The following SLC39A11 variants were observed in gnomAD, a reference collection of about 807,000 sequenced individuals.
SLC39A11 encodes zinc transporter ZIP11.
In SLC39A11, 33 loss-of-function variants were observed where a neutral mutation model predicts 36.1. That is an observed-to-expected ratio of 0.91 (90% CI 0.69 to 1.22). The LOEUF is 1.22. Among genes scored for constraint, SLC39A11 ranks in the 50% most tolerant of loss-of-function variants. SLC39A11 has a pLI of 0.00. For missense variants in SLC39A11, 432 were observed against 430.3 expected, an observed-to-expected ratio of 1.00 and a Z score of -0.03; for synonymous variants, 166 against 170.3, an observed-to-expected ratio of 0.97 and a Z score of 0.20.
At chr17:72,834,114 G>T (rs1238050598) in intron 6 of SLC39A11, among the ~76,000 whole-genome samples, 2 of 152,220 alleles carry the variant, frequency 1.3e-5, no homozygotes, top group East Asian at 1.9e-4. Context: ...TTTGCTAAGG[G>T]TCTAGTGCAG....
chr17:73,010,929 TCTTCACAACCTCTC>T (rs2090475183), intron 4 of SLC39A11, among the ~76,000 whole-genome samples: 1 of 152,230 alleles, frequency 6.6e-6, no homozygotes, highest in Non-Finnish European at 1.5e-5. Flanking sequence ...TCTCCTCTGA[TCTTCACAACCTCTC>T]CAATTATTCT....
intron 4 of SLC39A11, among the ~76,000 whole-genome samples, chr17:72,966,597 G>T (rs1308436658): frequency 1.8e-4 from 28 of 151,924 alleles, no homozygotes; most frequent in African/African-American, 4.6e-4. Flanking sequence ...TGAGACGGAG[G>T]CTCGCTCTGT....
intron 7 of SLC39A11, among the ~76,000 whole-genome samples, chr17:72,663,366 A>G (rs2070565298): frequency 6.6e-6 from 1 of 152,204 alleles, no homozygotes; most frequent in Non-Finnish European, 1.5e-5. Flanking sequence ...ATGTATGTTC[A>G]GAAAAGAGCA....
rs1451117433 is a variant in SLC39A11 at position 72,662,629 on chromosome 17, A to AAGAAAGAG, written c.672-13369_672-13362dup. Among the ~76,000 whole-genome samples, 73 of 34,322 alleles carry AAGAAAGAG rather than the reference A, an allele frequency of 2.1e-3. 1 individual carries two copies. In the South Asian group the frequency reaches 0.026, roughly 12 times the overall value. The allele number at this position is 34,322 out of a possible 152,430, so 22.5% of individuals were successfully genotyped here. A position where few individuals can be genotyped will look rare whatever the true frequency, so the allele number is the denominator to read the frequency against. On this transcript the variant is annotated intron_variant, in intron 7 of 9. Coordinates refer to ENST00000255559, the MANE Select transcript of SLC39A11 (RefSeq NM_139177.4). Reference sequence around the variant, plus strand: ...AAGGAAGGAAGGAGAGAAGAAAGAGAAGAAAGAGAGAAAGAAAAAGAAAAA... The same window carrying AAGAAAGAG: ...AAGGAAGGAAGGAGAGAAGAAAGAGAAGAAAGAGAGAAAGAGAGAAAGAAAAAGAAAAA...
intron 6 of SLC39A11, among the ~76,000 whole-genome samples, chr17:72,738,485 C>T (rs1386255541): frequency 6.6e-6 from 1 of 152,096 alleles, no homozygotes; most frequent in Non-Finnish European, 1.5e-5. Context: ...TTGCCAAGTT[C>T]ACCACCCACT....
At chr17:72,891,920 T>G (rs373464670) in intron 5 of SLC39A11, among the ~76,000 whole-genome samples, 1 of 152,150 alleles carries the variant, frequency 6.6e-6, no homozygotes, top group Admixed American at 6.5e-5. Flanking sequence ...GCATTACTGT[T>G]CTGTGCTATG....
chr17:72,689,269 G>T (rs188317485), intron 7 of SLC39A11, among the ~76,000 whole-genome samples: 1 of 152,350 alleles, frequency 6.6e-6, no homozygotes, highest in African/African-American at 2.4e-5. Context: ...AAGATAGGGA[G>T]GAGGATTTGC....
At chr17:72,694,784 G>A (rs1432486586) in intron 7 of SLC39A11, among the ~76,000 whole-genome samples, 3 of 152,220 alleles carry the variant, frequency 2.0e-5, no homozygotes, top group Non-Finnish European at 2.9e-5. Flanking sequence ...TGGGGCTGGG[G>A]TCTGCTGACT....
At position 72,989,430 on chromosome 17, in the gene SLC39A11, C is replaced by T. The variant is rs140551479; in HGVS notation, c.307-41555G>A. 2.6e-4 allele frequency among the ~76,000 whole-genome samples: 39 copies of T among 152,278 alleles called. 1 individual carries two copies. The East Asian group carries it at 7.1e-3, about 28-fold the overall frequency. On this transcript the variant is annotated intron_variant, in intron 4 of 9. Transcript: ENST00000255559. Reference sequence around the variant, plus strand: ...ACTATCATCCCTTATAACATAACAGCGAGGGTATAAATATTCCATTACGTC... The same window carrying T: ...ACTATCATCCCTTATAACATAACAGTGAGGGTATAAATATTCCATTACGTC...
At chr17:73,080,074 C>A (rs551876738) in intron 3 of SLC39A11, among the ~76,000 whole-genome samples, 1 of 152,142 alleles carries the variant, frequency 6.6e-6, no homozygotes, top group Non-Finnish European at 1.5e-5. Context: ...AAGCAATCTA[C>A]AAATTCAACG....
chr17:72,839,938 G>C (rs1431446489), intron 6 of SLC39A11, among the ~76,000 whole-genome samples: 3 of 152,110 alleles, frequency 2.0e-5, no homozygotes, highest in African/African-American at 4.8e-5. Flanking sequence ...GCTTAAAAAA[G>C]GCAAGAATTT....
At position 72,777,884 on chromosome 17, in the gene SLC39A11, T is replaced by C. The variant is rs540895470; in HGVS notation, c.602-41165A>G. On this transcript the variant is annotated intron_variant, in intron 6 of 9. Coordinates refer to ENST00000255559, the MANE Select transcript of SLC39A11 (RefSeq NM_139177.4). ...ATGTATGTATATATGTATGTATGTA[T>C]GTATGTATGTATGTACGTACATACT... Among the ~76,000 whole-genome samples the C allele has an allele frequency of 5.9e-5, 9 of 151,648 alleles. No individual in the cohort carries two copies. In the South Asian group the frequency reaches 1.9e-3, roughly 31 times the overall value.
chr17:73,091,957 G>C (rs185566624), intron 1 of SLC39A11: 1 of 152,364 alleles, frequency 6.6e-6, no homozygotes, highest in Non-Finnish European at 1.5e-5. Context: ...TGCAGAAGTG[G>C]AAACAGCACT....
intron 3 of SLC39A11, among the ~76,000 whole-genome samples, chr17:73,038,467 G>T (rs763548923): frequency 2.0e-5 from 3 of 151,338 alleles, no homozygotes; most frequent in Non-Finnish European, 4.4e-5. Context: ...GAGAAGCCTA[G>T]GTGGGCGGAT....
intron 5 of SLC39A11, among the ~76,000 whole-genome samples, chr17:72,920,525 T>C (rs974823763): frequency 3.3e-5 from 5 of 151,714 alleles, no homozygotes; most frequent in South Asian, 2.1e-4. Context: ...AATGCCACCT[T>C]CTCAGATGTT....
chr17:73,010,992 C>T (rs2090478328), intron 4 of SLC39A11, among the ~76,000 whole-genome samples: 2 of 152,228 alleles, frequency 1.3e-5, no homozygotes, highest in Admixed American at 1.3e-4. Context: ...TGAGAACCTA[C>T]TCTGTGCCGG....
At position 72,849,766 on chromosome 17, in the gene SLC39A11, C is replaced by T. The variant is rs1282016186; in HGVS notation, c.469G>A (p.Ala157Thr). The T allele has an allele frequency of 6.3e-7, 1 of 1,599,166 alleles. No homozygotes were observed. Among genetic ancestry groups the T allele is most frequent in the East Asian group, 2.2e-5 (1 of 44,608 alleles). Reference protein sequence around the residue: ...ENGEAYQRKKAAATGLPEGPA... With the variant: ...ENGEAYQRKKTAATGLPEGPA... The stretch of plus-strand genomic sequence containing the variant: ...CCCTCTGGAAGGCCAGTGGCTGCCG[C>T]CTTCTTTCTCTGATATGCCTCACCA... The change falls in exon 6 of 10, where the codon GCG becomes ACG. Residue 157 changes from alanine (A) to threonine (T), a missense_variant. Coordinates refer to ENST00000255559, the MANE Select transcript of SLC39A11 (RefSeq NM_139177.4).
intron 6 of SLC39A11, among the ~76,000 whole-genome samples, chr17:72,756,859 T>C (rs2075376352): frequency 6.6e-6 from 1 of 151,848 alleles, no homozygotes; most frequent in Non-Finnish European, 1.5e-5. Context: ...GGTTTAAAAG[T>C]GGTGCAATGG....
At chr17:72,677,576 G>C (rs1404715950) in intron 7 of SLC39A11, among the ~76,000 whole-genome samples, 1 of 115,884 alleles carries the variant, frequency 8.6e-6, no homozygotes, top group Admixed American at 9.2e-5. Flanking sequence ...TTAACATCAG[G>C]GCAAATGAGG....
Sources: gnomAD v4.1 joint callset for allele counts (sites outside exome capture counted in the v4.1 genomes callset) on GRCh38, gnomAD v4.1.1 for gene constraint, MANE v1.5 for transcripts, NCBI Gene and HGNC (gene_info 2026-07-23, HGNC 2026-07-21) for gene names.